Variants in URI1 observed in about 807,000 individuals in gnomAD.
The protein encoded by URI1 is unconventional prefoldin RPB5 interactor 1.
Under a neutral mutation model 60.2 loss-of-function variants are expected in URI1, and 39 were observed. The ratio of observed to expected loss-of-function variants is 0.65; its 90% CI spans 0.50 to 0.85. The LOEUF is 0.85. Ranked by LOEUF, URI1 falls within the 40% of genes least tolerant of loss-of-function variation. The pLI, the probability that URI1 is intolerant of heterozygous loss-of-function variation, is 0.00. For missense variants in URI1, 691 were observed against 665.9 expected, an observed-to-expected ratio of 1.04 and a Z score of -0.42; for synonymous variants, 251 against 236.8, an observed-to-expected ratio of 1.06 and a Z score of -0.55.
intron 1 of URI1, among the ~76,000 whole-genome samples, chr19:29,949,657 C>T (rs1014413193): frequency 2.6e-5 from 4 of 152,204 alleles, no homozygotes; most frequent in East Asian, 1.9e-4. Flanking sequence ...TCTGCAATCC[C>T]GGCACGTCGG....
rs1002702482 is a variant in URI1 at position 30,016,339 on chromosome 19, C to G, written c.*1270C>G. On this transcript the variant is annotated 3_prime_UTR_variant, in exon 11 of 11. Transcript: ENST00000392271. ...AAACCGAGGACTGATTTTGAAAGATCACCTAAAAATGTAGATTTGTTCTTT... is the reference window on the plus strand; with the variant it reads ...AAACCGAGGACTGATTTTGAAAGATGACCTAAAAATGTAGATTTGTTCTTT... The G allele has an allele frequency of 2.2e-4, 33 of 152,112 alleles. No individual in the cohort carries two copies. The highest frequency in any genetic ancestry group is 7.7e-4 in the African/African-American group (32 of 41,438). 9.4% of individuals were successfully genotyped at this position (152,112 alleles called of 1,614,324 possible). A position where few individuals can be genotyped will look rare whatever the true frequency, so the allele number is the denominator to read the frequency against.
At chr19:29,997,014 CATTTTGTTGAGG>C (rs1371784261) in intron 4 of URI1, among the ~76,000 whole-genome samples, 1 of 152,072 alleles carries the variant, frequency 6.6e-6, no homozygotes, top group Non-Finnish European at 1.5e-5. Flanking sequence ...AGTTTGCCAG[CATTTTGTTGAGG>C]ATTTTTATAT....
intron 1 of URI1, among the ~76,000 whole-genome samples, chr19:29,929,332 C>A (rs918762056): frequency 2.7e-5 from 4 of 150,314 alleles, no homozygotes; most frequent in African/African-American, 9.8e-5. Flanking sequence ...TGCGGTGACT[C>A]ATGCCTGTAA....
chr19:29,992,262 G>T (rs912942151), intron 4 of URI1, among the ~76,000 whole-genome samples: 1 of 152,134 alleles, frequency 6.6e-6, no homozygotes, highest in African/African-American at 2.4e-5. Flanking sequence ...TAGAGATGGG[G>T]TTTCACCATG....
At chr19:30,008,393 T>C (rs1036493323) in intron 7 of URI1, among the ~76,000 whole-genome samples, 3 of 152,078 alleles carry the variant, frequency 2.0e-5, no homozygotes, top group Non-Finnish European at 2.9e-5. Flanking sequence ...TTAAAACCAG[T>C]TTTGGATCTT....
Position 30,009,325 on chromosome 19 carries a change from ATT to A in URI1, c.1011_1012del (p.Ser338ThrfsTer4). 1 of 1,613,868 alleles carries A rather than the reference ATT, an allele frequency of 6.2e-7. No homozygotes were observed. On this transcript the variant is annotated frameshift_variant, in exon 8 of 11. Transcript: ENST00000392271. LOFTEE classifies it high-confidence loss of function. ...GGAGATAATTCTATACCAACAATAT[ATT>A]TTTCACATACTGTTGAGCCTAAGAG...
At chr19:29,935,079 A>T (rs1392556649) in intron 1 of URI1, among the ~76,000 whole-genome samples, 2 of 152,094 alleles carry the variant, frequency 1.3e-5, no homozygotes, top group Non-Finnish European at 2.9e-5. Context: ...TACATTTTTT[A>T]AATTTTGTTC....
At chr19:30,010,165 T>G (rs2055999687) in intron 8 of URI1, among the ~76,000 whole-genome samples, 1 of 152,192 alleles carries the variant, frequency 6.6e-6, no homozygotes, top group African/African-American at 2.4e-5. Context: ...AGGAACTCTT[T>G]CGCCTCTGAG....
chr19:29,972,283 A>G (rs985250984), intron 2 of URI1, among the ~76,000 whole-genome samples: 2 of 152,082 alleles, frequency 1.3e-5, no homozygotes, highest in African/African-American at 4.8e-5. Context: ...CAATAAATGC[A>G]TCGTTGTAGT....
intron 1 of URI1, among the ~76,000 whole-genome samples, chr19:29,930,996 T>C (rs1423697092): frequency 6.6e-6 from 1 of 152,038 alleles, no homozygotes; most frequent in Non-Finnish European, 1.5e-5. Context: ...GCATGAGCCA[T>C]CTGCCTGGCT....
At chr19:29,968,776 T>TTAG (rs1406833950) in intron 1 of URI1, among the ~76,000 whole-genome samples, 4 of 151,800 alleles carry the variant, frequency 2.6e-5, no homozygotes, top group Admixed American at 2.0e-4. Flanking sequence ...TTTCACTGTG[T>TTAG]TAGCCAGGAT....
chr19:30,010,133 T>C (rs1176615023), intron 8 of URI1, among the ~76,000 whole-genome samples: 1 of 152,190 alleles, frequency 6.6e-6, no homozygotes, highest in African/African-American at 2.4e-5. Flanking sequence ...CTAGAAGACA[T>C]AGATCTGGTT....
intron 1 of URI1, among the ~76,000 whole-genome samples, chr19:29,946,294 TTGTA>T (rs2055102333): frequency 6.6e-6 from 1 of 152,196 alleles, no homozygotes; most frequent in Non-Finnish European, 1.5e-5. Context: ...GGAGGTTTCC[TTGTA>T]CTAAGATCTT....
At chr19:29,929,871 T>C (rs1568400463) in intron 1 of URI1, among the ~76,000 whole-genome samples, 1 of 151,668 alleles carries the variant, frequency 6.6e-6, no homozygotes, top group Non-Finnish European at 1.5e-5. Context: ...CCCTTATATA[T>C]AAGATACAAG....
chr19:29,967,197 A>G (rs532175477), intron 1 of URI1, among the ~76,000 whole-genome samples: 4 of 152,212 alleles, frequency 2.6e-5, no homozygotes, highest in Non-Finnish European at 5.9e-5. Context: ...TGTCTTCCAT[A>G]TAATGTGTGG....
In URI1 at chr19:30,007,526, GAAGCAGATATTGCAAAT is replaced by G; in HGVS notation, c.575_591del (p.Glu192GlyfsTer10). The G allele has an allele frequency of 6.2e-7, 1 of 1,613,394 alleles. No homozygotes were observed. The highest frequency in any genetic ancestry group is 8.5e-7 in the Non-Finnish European group (1 of 1,179,582). On this transcript the variant is annotated frameshift_variant, in exon 7 of 11. Coordinates refer to ENST00000392271, the MANE Select transcript of URI1 (RefSeq NM_003796.3). LOFTEE classifies it high-confidence loss of function. ...CAAACCAAAAACTTCAGATATTTTT[GAAGCAGATATTGCAAAT>G]GATGTGAAATCCAAGGATTTGCTAG... is the stretch of plus-strand genomic sequence containing the variant.
chr19:30,014,606 C>T (rs1304927296), intron 10 of URI1, among the ~76,000 whole-genome samples: 1 of 152,126 alleles, frequency 6.6e-6, no homozygotes, highest in Non-Finnish European at 1.5e-5. Flanking sequence ...AGTTTGAAGA[C>T]CTTTTATTTA....
chr19:29,998,314 G>T (rs930715121), intron 4 of URI1, among the ~76,000 whole-genome samples: 4 of 152,096 alleles, frequency 2.6e-5, no homozygotes, highest in African/African-American at 9.7e-5. Context: ...CTGTTGTTGG[G>T]TGGAGGTTTC....
At chr19:29,978,254 T>C (rs768444464) in intron 2 of URI1, among the ~76,000 whole-genome samples, 28 of 152,116 alleles carry the variant, frequency 1.8e-4, no homozygotes, top group Non-Finnish European at 3.5e-4. Context: ...CTGAAGAGTT[T>C]TAAACTATTA....
Sources: allele counts gnomAD v4.1 joint callset (sites outside exome capture counted in the v4.1 genomes callset), GRCh38; gene constraint gnomAD v4.1.1; transcripts MANE v1.5; gene names NCBI Gene and HGNC (gene_info 2026-07-23, HGNC 2026-07-21).